DIS3L2: variants seen among roughly 807,000 people sequenced by gnomAD.
DIS3L2 encodes the protein DIS3 like 3'-5' exoribonuclease 2, also known as DIS3-like exonuclease 2.
Under a neutral mutation model 97.5 loss-of-function variants are expected in DIS3L2, and 34 were observed. That is an observed-to-expected ratio of 0.35 (90% CI 0.27 to 0.46). The LOEUF (loss-of-function observed/expected upper bound fraction) is 0.46. Among genes scored for constraint, DIS3L2 ranks in the 20% least tolerant of loss-of-function variants. The probability of loss-of-function intolerance (pLI) is 1.00; values close to 1 mark genes in which losing one functional copy is unlikely to be tolerated. For missense variants in DIS3L2, 1,038 were observed against 1,146.0 expected, an observed-to-expected ratio of 0.91 and a Z score of 1.36; for synonymous variants, 435 against 445.2, an observed-to-expected ratio of 0.98 and a Z score of 0.29.
intron 16 of DIS3L2, 69 bp from the exon 17 acceptor site, chr2:232,333,771 G>C: frequency 6.6e-7 from 1 of 1,520,908 alleles, no homozygotes; most frequent in Non-Finnish European, 8.8e-7. Context: ...GGCTGTGGGT[G>C]GTGCCAGCCT....
At chr2:232,131,834 T>A (rs910600411) in intron 7 of DIS3L2, 1 of 150,004 alleles carries the variant, frequency 6.7e-6, no homozygotes, top group African/African-American at 2.5e-5. Flanking sequence ...GGCAGCATGC[T>A]AAGTGTGGGA....
At chr2:231,996,243 A>G (rs1693727262) in intron 1 of DIS3L2, among the ~76,000 whole-genome samples, 1 of 152,204 alleles carries the variant, frequency 6.6e-6, no homozygotes, top group Non-Finnish European at 1.5e-5. Flanking sequence ...CTTGTTTATC[A>G]GTATGTGGTT....
At chr2:232,233,407 T>A (rs551159662) in intron 10 of DIS3L2, among the ~76,000 whole-genome samples, 1 of 152,296 alleles carries the variant, frequency 6.6e-6, no homozygotes, top group African/African-American at 2.4e-5. Context: ...ACTAATCCTA[T>A]TTGTGAGGGA....
chr2:232,218,207 G>T (rs775600187), intron 10 of DIS3L2, among the ~76,000 whole-genome samples: 1 of 152,234 alleles, frequency 6.6e-6, no homozygotes, highest in South Asian at 2.1e-4. Context: ...CTGTAATAAG[G>T]GCTGTAGGAG....
intron 6 of DIS3L2, 108 bp from the exon 7 acceptor site, chr2:232,130,511 T>G (rs1698184752): frequency 1.5e-6 from 2 of 1,331,918 alleles, no homozygotes; most frequent in African/African-American, 3.0e-5. Context: ...AGTGAGTAGT[T>G]TGGGGTAACT....
chr2:232,094,520 C>A (rs1229753106), intron 6 of DIS3L2, among the ~76,000 whole-genome samples: 1 of 151,840 alleles, frequency 6.6e-6, no homozygotes, highest in Non-Finnish European at 1.5e-5. Context: ...GAGTTTGAGA[C>A]CAGCCTGGCC....
At chr2:232,035,596 A>G (rs995059268) in intron 5 of DIS3L2, among the ~76,000 whole-genome samples, 2 of 152,152 alleles carry the variant, frequency 1.3e-5, no homozygotes, top group East Asian at 1.9e-4. Context: ...CATAGTGTCA[A>G]TGATCTTTAC....
chr2:231,963,008 G>T (rs1692613906), intron 1 of DIS3L2, among the ~76,000 whole-genome samples: 1 of 151,838 alleles, frequency 6.6e-6, no homozygotes, highest in African/African-American at 2.4e-5. Flanking sequence ...TTGATTCCGT[G>T]TGTTTGCTAT....
chr2:232,225,623 A>G (rs909010006), intron 10 of DIS3L2, among the ~76,000 whole-genome samples: 5 of 152,242 alleles, frequency 3.3e-5, no homozygotes, highest in Admixed American at 6.5e-5. Context: ...CATACATTCT[A>G]TTTCGTGGAA....
Position 232,014,973 on chromosome 2 carries a change from C to T in DIS3L2, c.46C>T (p.Pro16Ser). ...AATGAACCTCCGGCCCCTGGGGACCCCCAGAGGTAGTAAAAGGAAAATGGA... is the reference window on the plus strand; with the variant it reads ...AATGAACCTCCGGCCCCTGGGGACCTCCAGAGGTAGTAAAAGGAAAATGGA... The part of the protein sequence containing the change: ...YRMNLRPLGT[P>S]RGVSAVAGPH... The change falls in exon 2 of 21, where the codon CCC (proline) becomes TCC (serine). Residue 16 changes from proline (P) to serine (S), a missense_variant. Pro to Ser is a moderately conservative substitution (Grantham distance 74). Transcript: ENST00000325385. 1 of 1,613,860 alleles carries T rather than the reference C, an allele frequency of 6.2e-7. No individual in the cohort carries two copies.
chr2:232,155,262 A>G (rs1039251636), intron 8 of DIS3L2, among the ~76,000 whole-genome samples: 2 of 152,068 alleles, frequency 1.3e-5, no homozygotes, highest in Admixed American at 1.3e-4. Context: ...AATAACTGGT[A>G]TGACAGGACT....
chr2:232,195,151 A>G (rs1406071895), intron 9 of DIS3L2, among the ~76,000 whole-genome samples: 1 of 152,216 alleles, frequency 6.6e-6, no homozygotes, highest in Non-Finnish European at 1.5e-5. Context: ...AAAGAAGGAC[A>G]TTCATACTTT....
chr2:232,262,593 C>T lies in DIS3L2; in HGVS notation c.1426-614C>T, dbSNP rs551688362. Among the ~76,000 whole-genome samples, 172 of 152,186 alleles carry T rather than the reference C, an allele frequency of 1.1e-3. 1 individual carries two copies. The highest frequency in any genetic ancestry group is 2.1e-3 in the Non-Finnish European group (144 of 68,028). On this transcript the variant is annotated intron_variant, in intron 12 of 20. Coordinates refer to ENST00000325385, the MANE Select transcript of DIS3L2 (RefSeq NM_152383.5). ...GATAGAGGCCAGGGATACTGCTGAA[C>T]ATTTTATAATATACAGTTCAGCCCC...
intron 19 of DIS3L2, 43 bp downstream of exon 19, chr2:232,334,778 A>G: frequency 1.3e-6 from 2 of 1,537,840 alleles, no homozygotes; most frequent in Non-Finnish European, 1.8e-6. Flanking sequence ...GGGCAGCCCA[A>G]GCCATCCCGC....
intron 8 of DIS3L2, among the ~76,000 whole-genome samples, chr2:232,148,779 C>T (rs1307864305): frequency 4.3e-5 from 5 of 115,326 alleles, no homozygotes; most frequent in South Asian, 2.7e-4. Context: ...TTTTACACAG[C>T]CTTCTTAATC....
At chr2:232,061,396 T>C (rs1695699665) in intron 5 of DIS3L2, among the ~76,000 whole-genome samples, 2 of 152,248 alleles carry the variant, frequency 1.3e-5, no homozygotes, top group Non-Finnish European at 2.9e-5. Context: ...TCCGTGAAGC[T>C]GGAGAGCTTC....
At chr2:232,236,515 C>A (rs987777293) in intron 10 of DIS3L2, among the ~76,000 whole-genome samples, 4 of 152,136 alleles carry the variant, frequency 2.6e-5, no homozygotes, top group Non-Finnish European at 5.9e-5. Context: ...CTTTCTTAGA[C>A]TATTATTTTC....
intron 9 of DIS3L2, among the ~76,000 whole-genome samples, chr2:232,184,527 T>C (rs900615867): frequency 1.3e-5 from 2 of 152,104 alleles, no homozygotes; most frequent in African/African-American, 4.8e-5. Flanking sequence ...GGCATGTGCC[T>C]GTAGTCCCAC....
rs974884348 is a variant in DIS3L2 at position 232,204,741 on chromosome 2, G to C, written c.1125-5585G>C. ...CAGTAAAATCCCAAGCATGTTAACT[G>C]AGTGTAACAGCTGCACAGTGCACCG... On this transcript the variant is annotated intron_variant, in intron 9 of 20. Coordinates refer to ENST00000325385, the MANE Select transcript of DIS3L2 (RefSeq NM_152383.5). Among the ~76,000 whole-genome samples the C allele has an allele frequency of 6.6e-5, 10 of 152,296 alleles. No individual in the cohort carries two copies. The East Asian group carries it at 1.5e-3, about 24-fold the overall frequency.
Sources: gnomAD v4.1 joint callset for allele counts (sites outside exome capture counted in the v4.1 genomes callset) on GRCh38, gnomAD v4.1.1 for gene constraint, MANE v1.5 for transcripts, NCBI Gene and HGNC (gene_info 2026-07-23, HGNC 2026-07-21) for gene names.